C2orf68: variants seen among roughly 807,000 people sequenced by gnomAD.
The protein encoded by C2orf68 is UPF0561 protein C2orf68.
A neutral mutation model predicts 19.1 loss-of-function variants in C2orf68; 15 were observed. The ratio of observed to expected loss-of-function variants is 0.79; its 90% CI spans 0.53 to 1.21. The LOEUF is 1.21. C2orf68 is among the 50% of genes most tolerant of loss of function. C2orf68 has a pLI of 0.00. For missense variants in C2orf68, 242 were observed against 226.6 expected, an observed-to-expected ratio of 1.07 and a Z score of -0.44; for synonymous variants, 98 against 91.0, an observed-to-expected ratio of 1.08 and a Z score of -0.44.
At chr2:85,611,242 C>A in intron 2 of C2orf68, 1 of 1,342,024 alleles carries the variant, frequency 7.5e-7, no homozygotes, top group Non-Finnish European at 9.5e-7. Context: ...AGTAATAATG[C>A]TTAACAAAAA....
chr2:85,612,058 C>T lies in C2orf68; in HGVS notation c.-74G>A. ...AGCCACCCGCCCACAGAGCTCCGCGCCGCCCCTTGCTCAGCTTCCGGCCCC... is the reference window on the plus strand; with the variant it reads ...AGCCACCCGCCCACAGAGCTCCGCGTCGCCCCTTGCTCAGCTTCCGGCCCC... On this transcript the variant is annotated 5_prime_UTR_variant, in exon 1 of 4. Coordinates refer to ENST00000306336, the MANE Select transcript of C2orf68 (RefSeq NM_001013649.4). 2 of 1,176,496 alleles carry T rather than the reference C, an allele frequency of 1.7e-6. No homozygotes were observed. The highest frequency in any genetic ancestry group is 2.7e-5 in the East Asian group (1 of 37,508). 72.9% of individuals were successfully genotyped at this position (1,176,496 alleles called of 1,614,324 possible). A position where few individuals can be genotyped will look rare whatever the true frequency, so the allele number is the denominator to read the frequency against.
At position 85,608,701 on chromosome 2, in the gene C2orf68, C is replaced by CAAAAAAAAAAAAAAAAAAA; in HGVS notation, c.*225_*243dup. 1.8e-5 allele frequency: 1 copy of CAAAAAAAAAAAAAAAAAAA among 55,244 alleles called. No individual in the cohort carries two copies. The highest frequency in any genetic ancestry group is 3.2e-5 in the Non-Finnish European group (1 of 31,308). 3.4% of individuals were successfully genotyped at this position (55,244 alleles called of 1,614,324 possible). On this transcript the variant is annotated 3_prime_UTR_variant, in exon 4 of 4. Coordinates refer to ENST00000306336, the MANE Select transcript of C2orf68 (RefSeq NM_001013649.4). ...GAACACATTAGCCACACAAAATCCTCAAAAAAAAAAAAAAAAAAAAAAAAA... is the reference window on the plus strand; with the variant it reads ...GAACACATTAGCCACACAAAATCCTCAAAAAAAAAAAAAAAAAAAAAAAAAAAAAAAAAAAAAAAAAAAA...
rs1362380170 is a variant in C2orf68, at chr2:85,608,283, A to G, written c.*662T>C. The G allele has an allele frequency of 1.3e-5, 2 of 152,266 alleles. No individual in the cohort carries two copies. Among genetic ancestry groups the G allele is most frequent in the Non-Finnish European group, 2.9e-5 (2 of 68,074 alleles). The allele number at this position is 152,266 out of a possible 1,614,324, so 9.4% of individuals were successfully genotyped here. On this transcript the variant is annotated 3_prime_UTR_variant, in exon 4 of 4. Transcript: ENST00000306336. ...AAAAGCCATGGAAAGGGAGGGAGAC[A>G]TGCTTGCAAATAGGCCTCAAAAATG... is the stretch of plus-strand genomic sequence containing the variant.
Position 85,611,462 on chromosome 2 carries a change from G to A in C2orf68, c.226+206C>T, listed in dbSNP as rs960312953. The A allele has an allele frequency of 1.9e-6, 3 of 1,546,010 alleles. No individual in the cohort carries two copies. In the East Asian group the frequency reaches 7.3e-5, roughly 38 times the overall value. ...TTGCTGGCTCCCCGATACTCTGACAGCGATGCTTAACTGGGGGCTTATGAG... is the reference window on the plus strand; with the variant it reads ...TTGCTGGCTCCCCGATACTCTGACAACGATGCTTAACTGGGGGCTTATGAG... On this transcript the variant is annotated intron_variant, in intron 2 of 3. Transcript: ENST00000306336.
Position 85,607,325 on chromosome 2 carries a change from A to T in C2orf68, c.*1620T>A, listed in dbSNP as rs1673253326. 1 of 152,244 alleles carries T rather than the reference A, an allele frequency of 6.6e-6. No homozygotes were observed. Among genetic ancestry groups the T allele is most frequent in the South Asian group, 2.1e-4 (1 of 4,836 alleles). The allele number at this position is 152,244 out of a possible 1,614,324, so 9.4% of individuals were successfully genotyped here. A position where few individuals can be genotyped will look rare whatever the true frequency, so the allele number is the denominator to read the frequency against. ...GAGTTTGGGAGAGCCTTCTTGACCCAGGAGGCTTTGGAGGGTAGTTAACAT... is the reference window on the plus strand; with the variant it reads ...GAGTTTGGGAGAGCCTTCTTGACCCTGGAGGCTTTGGAGGGTAGTTAACAT... On this transcript the variant is annotated 3_prime_UTR_variant, in exon 4 of 4. Transcript: ENST00000306336.
Position 85,609,059 on chromosome 2 carries a change from G to A in C2orf68, c.387C>T (p.Asp129=). The A allele has an allele frequency of 6.2e-7, 1 of 1,614,206 alleles. No individual in the cohort carries two copies. Among genetic ancestry groups the A allele is most frequent in the Non-Finnish European group, 8.5e-7 (1 of 1,180,028 alleles). Residue 129 remains aspartate (D), a synonymous_variant, in exon 4 of 4, where the codon GAC becomes GAT. Coordinates refer to ENST00000306336, the MANE Select transcript of C2orf68 (RefSeq NM_001013649.4). ...ACACCTTCTCACTCACCTTTCCTGG[G>A]TCATCACCCTACGTGGAGGAAGAGT... The part of the protein sequence containing the change: ...VTSVIVYQGD[D]PGKVSEKVSA...
At chr2:85,609,717 T>A in intron 2 of C2orf68, 131 bp from the exon 3 acceptor site, 1 of 1,226,084 alleles carries the variant, frequency 8.2e-7, no homozygotes, top group Non-Finnish European at 1.1e-6. Context: ...AGTCTCACTC[T>A]GTCGCCCAGG....
intron 3 of C2orf68, among the ~76,000 whole-genome samples, 173 bp downstream of exon 3, chr2:85,609,262 C>A (rs1673350146): frequency 6.6e-6 from 1 of 152,226 alleles, no homozygotes; most frequent in Non-Finnish European, 1.5e-5. Flanking sequence ...TACTGAGAAT[C>A]ACTGTGAGAT....
chr2:85,612,002 G>A lies in C2orf68; in HGVS notation c.-18C>T. ...GCCTCCATCAGGAGCCGGGGACGCAGAGTCGCCGCCGCCTCGACGGCCCCA... is the reference window on the plus strand; with the variant it reads ...GCCTCCATCAGGAGCCGGGGACGCAAAGTCGCCGCCGCCTCGACGGCCCCA... On this transcript the variant is annotated 5_prime_UTR_variant, in exon 1 of 4. Coordinates refer to ENST00000306336, the MANE Select transcript of C2orf68 (RefSeq NM_001013649.4). The A allele has an allele frequency of 6.7e-7, 1 of 1,498,486 alleles. No individual in the cohort carries two copies. Among genetic ancestry groups the A allele is most frequent in the Non-Finnish European group, 8.8e-7 (1 of 1,131,554 alleles). 92.8% of individuals were successfully genotyped at this position (1,498,486 alleles called of 1,614,324 possible). A position where few individuals can be genotyped will look rare whatever the true frequency, so the allele number is the denominator to read the frequency against.
intron 2 of C2orf68, 145 bp from the exon 3 acceptor site, chr2:85,609,731 G>T (rs1673384236): frequency 4.6e-6 from 5 of 1,080,850 alleles, no homozygotes; most frequent in African/African-American, 1.6e-5. Context: ...GCCCAGGCTG[G>T]AGTGCAGTGG....
At position 85,605,756 on chromosome 2, in the gene C2orf68, A is replaced by G. The variant is rs745781874; in HGVS notation, c.*3189T>C. ...TCCTGTCAAATGCACAGCAGATTGG[A>G]TACTCACCATCCCAAAGGGGTTCCT... On this transcript the variant is annotated 3_prime_UTR_variant, in exon 4 of 4. Coordinates refer to ENST00000306336, the MANE Select transcript of C2orf68 (RefSeq NM_001013649.4). Among the ~76,000 whole-genome samples, 19 of 152,132 alleles carry G rather than the reference A, an allele frequency of 1.2e-4. No individual in the cohort carries two copies. The highest frequency in any genetic ancestry group is 2.6e-4 in the Non-Finnish European group (18 of 68,026).
At position 85,611,718 on chromosome 2, in the gene C2orf68, G is replaced by A. The variant is rs1264744983; in HGVS notation, c.176C>T (p.Pro59Leu). Reference sequence around the variant, plus strand: ...CAGGTCTGGCTTGCGGGGCCGCGTCGGCGCGGGCGTGTGCCGCCTCCTCAC... The same window carrying A: ...CAGGTCTGGCTTGCGGGGCCGCGTCAGCGCGGGCGTGTGCCGCCTCCTCAC... ...EKVRRRHTPA[P>L]TRPRKPDLQV... The change falls in exon 2 of 4, where the codon CCG becomes CTG. Residue 59 changes from proline to leucine, a missense_variant. Coordinates refer to ENST00000306336, the MANE Select transcript of C2orf68 (RefSeq NM_001013649.4). 2 of 1,599,916 alleles carry A rather than the reference G, an allele frequency of 1.3e-6. No homozygotes were observed. Among genetic ancestry groups the A allele is most frequent in the Admixed American group, 3.5e-5 (2 of 57,782 alleles).
chr2:85,609,379 A>G, intron 3 of C2orf68, 56 bp downstream of exon 3: 3 of 1,588,258 alleles, frequency 1.9e-6, no homozygotes, highest in African/African-American at 1.3e-5. Context: ...GGGTCTGACA[A>G]TGATTACTAC....
At chr2:85,609,921 T>G (rs951245129) in intron 2 of C2orf68, among the ~76,000 whole-genome samples, 1 of 151,928 alleles carries the variant, frequency 6.6e-6, no homozygotes, top group Non-Finnish European at 1.5e-5. Context: ...CCTCAGGTGA[T>G]CCACCCACCT....
chr2:85,609,380 T>C (rs1673356021), intron 3 of C2orf68, 55 bp downstream of exon 3: 1 of 1,588,974 alleles, frequency 6.3e-7, no homozygotes. Flanking sequence ...GGTCTGACAA[T>C]GATTACTACC....
rs1001050491 is a variant in C2orf68, at chr2:85,606,398, A to C, written c.*2547T>G. On this transcript the variant is annotated 3_prime_UTR_variant, in exon 4 of 4. Transcript: ENST00000306336. ...ATGTCTGGAGGCAGGTCTGGTGAAT[A>C]AACTGAATAGTACTGCCTTGGACCC... Among the ~76,000 whole-genome samples the C allele has an allele frequency of 2.6e-5, 4 of 152,244 alleles. No individual in the cohort carries two copies. Among genetic ancestry groups the C allele is most frequent in the Non-Finnish European group, 5.9e-5 (4 of 68,040 alleles).
Position 85,609,618 on chromosome 2 carries a change from G to T in C2orf68, c.227-32C>A, listed in dbSNP as rs755385923. Reference sequence around the variant, plus strand: ...GGATGAACCACAGTAAGAAAGAAGAGGGGGGGTGCTGCTGAAGGCCCTGTC... The same window carrying T: ...GGATGAACCACAGTAAGAAAGAAGATGGGGGGTGCTGCTGAAGGCCCTGTC... On this transcript the variant is annotated intron_variant, in intron 2 of 3. Transcript: ENST00000306336. 58 of 1,610,330 alleles carry T rather than the reference G, an allele frequency of 3.6e-5. No homozygotes were observed. In the East Asian group the frequency reaches 1.0e-3, roughly 29 times the overall value.
rs1003670028 is a variant in C2orf68, at chr2:85,609,032, C to T, written c.414G>A (p.Ser138=). The T allele has an allele frequency of 6.8e-6, 11 of 1,614,088 alleles. No homozygotes were observed. Among genetic ancestry groups the T allele is most frequent in the African/African-American group, 2.7e-5 (2 of 74,930 alleles). ...DDPGKVSEKV[S]AHTPLDPPMR... ...TGGGTGGATCCAGAGGCGTGTGTGCCGACACCTTCTCACTCACCTTTCCTG... is the reference window on the plus strand; with the variant it reads ...TGGGTGGATCCAGAGGCGTGTGTGCTGACACCTTCTCACTCACCTTTCCTG... The change falls in exon 4 of 4, where the codon TCG becomes TCA. Residue 138 remains serine (S), a synonymous_variant. Coordinates refer to ENST00000306336, the MANE Select transcript of C2orf68 (RefSeq NM_001013649.4).
At position 85,612,017 on chromosome 2, in the gene C2orf68, C is replaced by G; in HGVS notation, c.-33G>C. 7.0e-7 allele frequency: 1 copy of G among 1,438,520 alleles called. No homozygotes were observed. The highest frequency in any genetic ancestry group is 9.2e-7 in the Non-Finnish European group (1 of 1,090,162). The allele number at this position is 1,438,520 out of a possible 1,614,324, so 89.1% of individuals were successfully genotyped here. ...CGGGGACGCAGAGTCGCCGCCGCCT[C>G]GACGGCCCCAACAACAGCCACCCGC... On this transcript the variant is annotated 5_prime_UTR_variant, in exon 1 of 4. Coordinates refer to ENST00000306336, the MANE Select transcript of C2orf68 (RefSeq NM_001013649.4).
Sources: allele counts gnomAD v4.1 joint callset (sites outside exome capture counted in the v4.1 genomes callset), GRCh38; gene constraint gnomAD v4.1.1; transcripts MANE v1.5; gene names NCBI Gene and HGNC (gene_info 2026-07-23, HGNC 2026-07-21).